Variants in PCDHA3 observed in about 807,000 individuals in gnomAD.
PCDHA3 encodes the protein protocadherin alpha 3.
PCDHA3 carries 41 observed loss-of-function variants against 62.2 expected under a neutral mutation model. That is an observed-to-expected ratio of 0.66 (90% CI 0.51 to 0.86). The LOEUF (loss-of-function observed/expected upper bound fraction) is 0.86. Among genes scored for constraint, PCDHA3 ranks in the 40% least tolerant of loss-of-function variants. The pLI, the probability that PCDHA3 is intolerant of heterozygous loss-of-function variation, is 0.00. For missense variants in PCDHA3, 1,304 were observed against 1,241.2 expected (o/e 1.05, Z -0.76); for synonymous variants, 640 against 555.4 (o/e 1.15, Z -2.14).
chr5:140,850,353 A>G, intron 1 of PCDHA3: 1 of 1,597,852 alleles, frequency 6.3e-7, no homozygotes, highest in Non-Finnish European at 8.6e-7. Context: ...CAGCGCGAGC[A>G]TCCCGTTCCG....
intron 1 of PCDHA3, chr5:140,871,045 G>C: frequency 6.2e-7 from 1 of 1,613,386 alleles, no homozygotes; most frequent in African/African-American, 1.3e-5. Context: ...CCGACTTCTA[G>C]TACTGGTGAA....
chr5:140,926,972 C>T (rs782504064), intron 1 of PCDHA3: 1 of 1,609,464 alleles, frequency 6.2e-7, no homozygotes. Context: ...TACTCAGTGC[C>T]GGAGGAGACG....
At chr5:140,862,356 A>G in intron 1 of PCDHA3, 1 of 338,010 alleles carries the variant, frequency 3.0e-6, no homozygotes, top group Non-Finnish European at 5.8e-6. Context: ...GCCAAGGGAC[A>G]GACGACCCGC....
chr5:140,835,574 G>T (rs1192023261), intron 1 of PCDHA3: 2 of 1,613,868 alleles, frequency 1.2e-6, no homozygotes, highest in Admixed American at 1.7e-5. Flanking sequence ...CCTTCAAGTT[G>T]GTGTCCACCT....
At chr5:140,829,334 C>T (rs1554131892) in intron 1 of PCDHA3, 1 of 1,614,112 alleles carries the variant, frequency 6.2e-7, no homozygotes, top group South Asian at 1.1e-5. Flanking sequence ...TGCCCTGGAC[C>T]GCGAGAGCGT....
At position 140,850,415 on chromosome 5, in the gene PCDHA3, G is replaced by A. The variant is rs2150483298; in HGVS notation, c.2394+46824G>A. On this transcript the variant is annotated intron_variant, in intron 1 of 3. Transcript: ENST00000522353. The stretch of plus-strand genomic sequence containing the variant: ...GCACAACGCGTGCCCTGGACGAAAC[G>A]GACGCACCGCGCCAGCGCCTACTGG... 3.1e-6 allele frequency: 5 copies of A among 1,597,962 alleles called. 1 individual carries two copies. The highest frequency in any genetic ancestry group is 4.3e-6 in the Non-Finnish European group (5 of 1,167,734).
intron 1 of PCDHA3, among the ~76,000 whole-genome samples, chr5:140,942,323 T>C (rs1489572732): frequency 6.6e-6 from 1 of 151,970 alleles, no homozygotes; most frequent in Non-Finnish European, 1.5e-5. Flanking sequence ...GGCACAAGAA[T>C]CACTTGAACC....
intron 1 of PCDHA3, chr5:140,968,461 C>G (rs141568667): frequency 1.4e-5 from 22 of 1,614,078 alleles, no homozygotes; most frequent in Non-Finnish European, 1.9e-5. Context: ...CTGTGACTGC[C>G]AACGTATATG....
intron 1 of PCDHA3, among the ~76,000 whole-genome samples, chr5:140,888,313 G>C (rs1434881975): frequency 6.6e-6 from 1 of 152,154 alleles, no homozygotes; most frequent in Non-Finnish European, 1.5e-5. Context: ...ATTTGGCAAT[G>C]CCTGGATACA....
intron 1 of PCDHA3, among the ~76,000 whole-genome samples, chr5:140,897,061 T>C (rs1554187169): frequency 6.6e-6 from 1 of 152,134 alleles, no homozygotes; most frequent in Admixed American, 6.6e-5. Context: ...TCAAATACTA[T>C]GTCTTATTCA....
At chr5:140,843,219 C>T (rs1554139873) in intron 1 of PCDHA3, 1 of 1,596,090 alleles carries the variant, frequency 6.3e-7, no homozygotes, top group East Asian at 2.2e-5. Context: ...GAGATCAGCA[C>T]CACTCGTGTC....
chr5:140,934,236 T>C (rs532427064), intron 1 of PCDHA3, among the ~76,000 whole-genome samples: 1 of 152,290 alleles, frequency 6.6e-6, no homozygotes, highest in South Asian at 2.1e-4. Context: ...TTGTACTTAA[T>C]TGTGGAGATT....
At chr5:140,823,030 G>A (rs1767524981) in intron 1 of PCDHA3, 1 of 1,614,220 alleles carries the variant, frequency 6.2e-7, no homozygotes, top group Non-Finnish European at 8.5e-7. Context: ...GAGCGTGTCG[G>A]TCTATGAGCT....
At chr5:140,824,425 C>T (rs1768118879) in intron 1 of PCDHA3, 1 of 502,786 alleles carries the variant, frequency 2.0e-6, no homozygotes, top group Non-Finnish European at 3.5e-6. Flanking sequence ...TGGAGTCATT[C>T]TCAAAGTTTC....
intron 1 of PCDHA3, among the ~76,000 whole-genome samples, chr5:140,895,314 G>A (rs2064960648): frequency 6.6e-6 from 1 of 151,858 alleles, no homozygotes; most frequent in Non-Finnish European, 1.5e-5. Context: ...TTCCACCCAT[G>A]ACTATTGTTC....
intron 1 of PCDHA3, among the ~76,000 whole-genome samples, chr5:140,939,496 T>C (rs1056805885): frequency 4.6e-5 from 7 of 150,952 alleles, no homozygotes; most frequent in African/African-American, 1.5e-4. Context: ...AATTATAAAT[T>C]CAATGTCTAT....
At position 140,857,364 on chromosome 5, in the gene PCDHA3, G is replaced by A. The variant is rs1464300143; in HGVS notation, c.2394+53773G>A. The A allele has an allele frequency of 2.5e-6, 4 of 1,598,296 alleles. No individual in the cohort carries two copies. In the East Asian group the frequency reaches 8.9e-5, roughly 36 times the overall value. On this transcript the variant is annotated intron_variant, in intron 1 of 3. Coordinates refer to ENST00000522353, the MANE Select transcript of PCDHA3 (RefSeq NM_018906.3). ...TCGCCTCCGCTGTGGGCCACGGCCA[G>A]CGTGTCTGTGGAGGTGGCCGACGTG...
chr5:140,984,325 G>C (rs2097097043), intron 3 of PCDHA3, among the ~76,000 whole-genome samples: 1 of 152,168 alleles, frequency 6.6e-6, no homozygotes, highest in Admixed American at 6.5e-5. Flanking sequence ...CTAGGCAAAT[G>C]TGGAATAGGA....
intron 1 of PCDHA3, among the ~76,000 whole-genome samples, chr5:140,951,286 T>G (rs537000082): frequency 7.9e-5 from 12 of 152,352 alleles, no homozygotes; most frequent in African/African-American, 2.6e-4. Context: ...TAATTTTGGA[T>G]TATATCTTGA....
Sources: allele counts gnomAD v4.1 joint callset (sites outside exome capture counted in the v4.1 genomes callset), GRCh38; gene constraint gnomAD v4.1.1; transcripts MANE v1.5; gene names NCBI Gene and HGNC (gene_info 2026-07-23, HGNC 2026-07-21).